Variants in TRDN observed in about 807,000 individuals in gnomAD.
TRDN encodes triadin.
Under a neutral mutation model 149.7 loss-of-function variants are expected in TRDN, and 161 were observed. The ratio of observed to expected loss-of-function variants is 1.08; its 90% CI spans 0.95 to 1.23. The LOEUF is 1.23. TRDN is among the 50% of genes most tolerant of loss of function. The pLI is 0.00. For missense variants in TRDN, 896 were observed against 823.5 expected (o/e 1.09, Z -1.08); for synonymous variants, 294 against 250.5 (o/e 1.17, Z -1.64).
intron 24 of TRDN, among the ~76,000 whole-genome samples, chr6:123,297,343 G>A (rs1298584888): frequency 1.3e-5 from 2 of 151,996 alleles, no homozygotes; most frequent in Admixed American, 6.6e-5. Flanking sequence ...GGTGATTAAA[G>A]TGATGTTGAA....
At chr6:123,471,389 A>T (rs1186235942) in intron 9 of TRDN, 1 of 152,206 alleles carries the variant, frequency 6.6e-6, no homozygotes, top group African/African-American at 2.4e-5. Context: ...TGTATAGAAG[A>T]TCACCAGTGA....
chr6:123,388,150 T>A (rs1781977125), intron 14 of TRDN, among the ~76,000 whole-genome samples: 1 of 151,772 alleles, frequency 6.6e-6, no homozygotes, highest in African/African-American at 2.4e-5. Flanking sequence ...GCTGTGAAAT[T>A]GAAACTTGAC....
intron 12 of TRDN, among the ~76,000 whole-genome samples, chr6:123,409,664 T>C (rs1773350353): frequency 6.6e-6 from 1 of 150,388 alleles, no homozygotes; most frequent in Non-Finnish European, 1.5e-5. Context: ...TGCCTTGCTC[T>C]GTCAGTTAAA....
rs186863322 is a variant in TRDN at position 123,618,946 on chromosome 6, T to C, written c.22+17808A>G. On this transcript the variant is annotated intron_variant, in intron 1 of 40. Coordinates refer to ENST00000334268, the MANE Select transcript of TRDN (RefSeq NM_006073.4). ...TATAATAATCAACATTTATTAAATA[T>C]ATTTTACTAAAGGAATAAATGTGTA... is the stretch of plus-strand genomic sequence containing the variant. Among the ~76,000 whole-genome samples, 413 of 152,276 alleles carry C rather than the reference T, an allele frequency of 2.7e-3. 1 individual carries two copies. The highest frequency in any genetic ancestry group is 4.5e-3 in the Non-Finnish European group (309 of 68,014).
chr6:123,234,248 T>C (rs906166752), intron 38 of TRDN, among the ~76,000 whole-genome samples: 1 of 152,110 alleles, frequency 6.6e-6, no homozygotes, highest in African/African-American at 2.4e-5. Context: ...CATTTCAGCA[T>C]GTGACCTCTA....
intron 25 of TRDN, 59 bp from the exon 26 acceptor site, chr6:123,278,406 T>G: frequency 9.9e-7 from 1 of 1,005,112 alleles, no homozygotes; most frequent in Non-Finnish European, 1.4e-6. Context: ...ATTTCCTATA[T>G]ACTTGTGCAT....
At chr6:123,276,211 T>C (rs1009559207) in intron 26 of TRDN, among the ~76,000 whole-genome samples, 4 of 152,094 alleles carry the variant, frequency 2.6e-5, no homozygotes, top group African/African-American at 9.7e-5. Flanking sequence ...TCAAATCATA[T>C]AGATATATAT....
chr6:123,227,061 C>T (rs1775403144), intron 38 of TRDN, among the ~76,000 whole-genome samples: 1 of 151,772 alleles, frequency 6.6e-6, no homozygotes, highest in African/African-American at 2.4e-5. Flanking sequence ...TGTGGAACAT[C>T]TTATACATCA....
chr6:123,602,081 A>G (rs376025072), intron 1 of TRDN, among the ~76,000 whole-genome samples: 3 of 152,130 alleles, frequency 2.0e-5, no homozygotes, highest in East Asian at 1.9e-4. Context: ...AAACACTGGC[A>G]ATATAGTCCC....
At chr6:123,491,087 AGAGT>A (rs1269945296) in intron 9 of TRDN, among the ~76,000 whole-genome samples, 1 of 150,710 alleles carries the variant, frequency 6.6e-6, no homozygotes, top group African/African-American at 2.4e-5. Context: ...GCCTGGCGAC[AGAGT>A]GAGACTACAT....
intron 38 of TRDN, among the ~76,000 whole-genome samples, chr6:123,239,052 G>C (rs910322099): frequency 1.3e-5 from 2 of 152,088 alleles, no homozygotes; most frequent in Non-Finnish European, 2.9e-5. Context: ...TGTAGGCCAG[G>C]ATGGTCTTGA....
intron 1 of TRDN, among the ~76,000 whole-genome samples, chr6:123,585,807 A>G (rs1329385249): frequency 6.6e-5 from 10 of 152,034 alleles, no homozygotes; most frequent in African/African-American, 1.2e-4. Context: ...TGGTTCAGGC[A>G]TTTGGAAGTT....
chr6:123,592,409 A>G (rs1783829368), intron 1 of TRDN, among the ~76,000 whole-genome samples: 1 of 152,128 alleles, frequency 6.6e-6, no homozygotes, highest in African/African-American at 2.4e-5. Flanking sequence ...CTAAGAACCA[A>G]TTTGATATTT....
rs890278473 is a variant in TRDN at position 123,358,735 on chromosome 6, G to A, written c.1322-6149C>T. On this transcript the variant is annotated intron_variant, in intron 20 of 40. Coordinates refer to ENST00000334268, the MANE Select transcript of TRDN (RefSeq NM_006073.4). The stretch of plus-strand genomic sequence containing the variant: ...TGACCTCAGGTGATTCACCTGCCTC[G>A]GCCTCCCAAAGCACTGGGATTACAG... 5.3e-5 allele frequency among the ~76,000 whole-genome samples: 8 copies of A among 152,108 alleles called. No individual in the cohort carries two copies. The South Asian group carries it at 8.3e-4, about 16-fold the overall frequency.
intron 9 of TRDN, among the ~76,000 whole-genome samples, chr6:123,474,276 A>T (rs1172589742): frequency 1.3e-5 from 2 of 152,180 alleles, no homozygotes; most frequent in Admixed American, 1.3e-4. Context: ...AAACAAAAAA[A>T]GGCAGGGATT....
At chr6:123,521,943 A>G (rs1246205457) in intron 5 of TRDN, among the ~76,000 whole-genome samples, 1 of 152,152 alleles carries the variant, frequency 6.6e-6, no homozygotes, top group Admixed American at 6.6e-5. Context: ...TCATCATGGA[A>G]TTTGTAGTGC....
At chr6:123,349,209 G>T (rs1780361564) in intron 21 of TRDN, among the ~76,000 whole-genome samples, 1 of 152,094 alleles carries the variant, frequency 6.6e-6, no homozygotes, top group Non-Finnish European at 1.5e-5. Flanking sequence ...AGAGTAAGAA[G>T]AAGTAAAATG....
intron 23 of TRDN, among the ~76,000 whole-genome samples, chr6:123,320,475 C>T (rs1389620399): frequency 6.6e-6 from 1 of 151,868 alleles, no homozygotes; most frequent in Non-Finnish European, 1.5e-5. Context: ...GGACAAATTA[C>T]ATAATCCTTA....
chr6:123,612,940 C>T (rs1359380955), intron 1 of TRDN, among the ~76,000 whole-genome samples: 1 of 152,102 alleles, frequency 6.6e-6, no homozygotes, highest in Non-Finnish European at 1.5e-5. Flanking sequence ...AGGTGGTCTT[C>T]AATTCATTCC....
Sources: allele counts gnomAD v4.1 joint callset (sites outside exome capture counted in the v4.1 genomes callset), GRCh38; gene constraint gnomAD v4.1.1; transcripts MANE v1.5; gene names NCBI Gene and HGNC (gene_info 2026-07-23, HGNC 2026-07-21).